BAZ2B: variants seen among roughly 807,000 people sequenced by gnomAD.
BAZ2B encodes bromodomain adjacent to zinc finger domain 2B, also known as bromodomain adjacent to zinc finger domain protein 2B.
Under a neutral mutation model 246.0 loss-of-function variants are expected in BAZ2B, and 91 were observed. The ratio of observed to expected loss-of-function variants is 0.37; its 90% CI spans 0.31 to 0.44. The LOEUF is 0.44. Among genes scored for constraint, BAZ2B ranks in the 20% least tolerant of loss-of-function variants. The probability of loss-of-function intolerance (pLI) is 1.00; values close to 1 mark genes in which losing one functional copy is unlikely to be tolerated. For missense variants in BAZ2B, 2,332 were observed against 2,533.7 expected (o/e 0.92, Z 1.71); for synonymous variants, 855 against 860.0 (o/e 0.99, Z 0.10).
chr2:159,472,121 T>C lies in BAZ2B; in HGVS notation c.145+6454A>G, dbSNP rs375414218. ...AATGTTTTTCCATTTGTTTGTGTCC[T>C]CTCTTATTTCCTCGAGCAGTGGTTA... On this transcript the variant is annotated intron_variant, in intron 3 of 36. Transcript: ENST00000392783. Among the ~76,000 whole-genome samples, 233 of 152,356 alleles carry C rather than the reference T, an allele frequency of 1.5e-3. 2 individuals are homozygous for C. Among genetic ancestry groups the C allele is most frequent in the African/African-American group, 5.4e-3 (225 of 41,596 alleles).
At chr2:159,539,312 A>G (rs2086378596) in intron 2 of BAZ2B, among the ~76,000 whole-genome samples, 1 of 152,262 alleles carries the variant, frequency 6.6e-6, no homozygotes, top group African/African-American at 2.4e-5. Flanking sequence ...TTATTAAATC[A>G]AGGAATAAAT....
intron 1 of BAZ2B, among the ~76,000 whole-genome samples, chr2:159,608,897 A>G (rs1022480314): frequency 2.0e-5 from 3 of 152,146 alleles, no homozygotes; most frequent in African/African-American, 7.2e-5. Flanking sequence ...TAGGACTGGT[A>G]CTCAACCTTG....
chr2:159,504,600 G>T (rs2082147178), intron 2 of BAZ2B, among the ~76,000 whole-genome samples: 1 of 152,100 alleles, frequency 6.6e-6, no homozygotes. Context: ...TTCACTAAAG[G>T]CAGGGAGTTA....
At chr2:159,684,365 C>T in the BAZ2B span, among the ~76,000 whole-genome samples, 3 of 152,136 alleles carry the variant, frequency 2.0e-5, no homozygotes, top group Non-Finnish European at 4.4e-5. Flanking sequence ...AGTAAGTACA[C>T]GTTTAGCTTT....
chr2:159,557,950 A>C (rs1442438351), intron 1 of BAZ2B, among the ~76,000 whole-genome samples: 1 of 151,488 alleles, frequency 6.6e-6, no homozygotes, highest in Non-Finnish European at 1.5e-5. Context: ...GGGTGATGGG[A>C]AAGCGCGGGT....
At chr2:159,528,661 T>C (rs1046369696) in intron 2 of BAZ2B, among the ~76,000 whole-genome samples, 23 of 145,588 alleles carry the variant, frequency 1.6e-4, no homozygotes, top group African/African-American at 5.7e-4. Flanking sequence ...CCAGCCTGGG[T>C]GACAAGCGAA....
At chr2:159,441,983 T>C (rs2073488732) in intron 6 of BAZ2B, among the ~76,000 whole-genome samples, 1 of 152,202 alleles carries the variant, frequency 6.6e-6, no homozygotes, top group Non-Finnish European at 1.5e-5. Context: ...CCAGGCATAG[T>C]TGCTCAAGTC....
At chr2:159,522,854 T>C (rs2084287710) in intron 2 of BAZ2B, among the ~76,000 whole-genome samples, 1 of 152,130 alleles carries the variant, frequency 6.6e-6, no homozygotes, top group Non-Finnish European at 1.5e-5. Context: ...AAAAGCCTAC[T>C]TTTACTAGTA....
chr2:159,675,710 C>A, the BAZ2B span, among the ~76,000 whole-genome samples: 4 of 152,078 alleles, frequency 2.6e-5, no homozygotes, highest in African/African-American at 9.7e-5. Flanking sequence ...ATAACGAAAT[C>A]CCAGCTTTTC....
chr2:159,633,132 C>T, the BAZ2B span, among the ~76,000 whole-genome samples: 3 of 144,366 alleles, frequency 2.1e-5, no homozygotes, highest in Non-Finnish European at 4.5e-5. Context: ...TATAAGCATA[C>T]ATTTTTATTC....
the BAZ2B span, among the ~76,000 whole-genome samples, chr2:159,662,467 A>T: frequency 1.1e-4 from 17 of 152,276 alleles, no homozygotes; most frequent in African/African-American, 3.8e-4. Context: ...GCACCATATG[A>T]GAGGTTCCAA....
intron 11 of BAZ2B, 33 bp from the exon 12 acceptor site, chr2:159,428,452 C>A: frequency 6.7e-7 from 1 of 1,501,066 alleles, no homozygotes; most frequent in South Asian, 1.2e-5. Flanking sequence ...TTATGACATA[C>A]TTAATTTCAA....
intron 16 of BAZ2B, 68 bp from the exon 17 acceptor site, chr2:159,400,732 A>G: frequency 1.0e-6 from 1 of 955,342 alleles, no homozygotes. Context: ...ATTTGAGTGG[A>G]ATCAAATAAT....
At chr2:159,563,738 G>T (rs931461642) in intron 1 of BAZ2B, among the ~76,000 whole-genome samples, 4 of 152,060 alleles carry the variant, frequency 2.6e-5, no homozygotes, top group Admixed American at 2.6e-4. Context: ...AAAAGTAATG[G>T]TTGTACAACA....
At chr2:159,601,614 G>A (rs527393306) in intron 1 of BAZ2B, among the ~76,000 whole-genome samples, 16 of 151,986 alleles carry the variant, frequency 1.1e-4, no homozygotes, top group East Asian at 1.9e-4. Context: ...CCAGCTACTC[G>A]GGAGGCTGAG....
chr2:159,507,297 A>T (rs931136446), intron 2 of BAZ2B, among the ~76,000 whole-genome samples: 1 of 152,182 alleles, frequency 6.6e-6, no homozygotes, highest in African/African-American at 2.4e-5. Context: ...GAAAAAGTTT[A>T]TTAGGCAACA....
chr2:159,408,007 G>A (rs972056017), intron 14 of BAZ2B, among the ~76,000 whole-genome samples: 1 of 152,162 alleles, frequency 6.6e-6, no homozygotes, highest in Non-Finnish European at 1.5e-5. Flanking sequence ...AAGATGTGCT[G>A]ATAAAAATGT....
chr2:159,557,581 T>C (rs1406568166), intron 1 of BAZ2B, among the ~76,000 whole-genome samples: 1 of 152,174 alleles, frequency 6.6e-6, no homozygotes, highest in East Asian at 1.9e-4. Flanking sequence ...TTCATAGGAC[T>C]GGTTTTCTCA....
At chr2:159,361,249 T>C (rs1174251145) in intron 27 of BAZ2B, among the ~76,000 whole-genome samples, 1 of 151,864 alleles carries the variant, frequency 6.6e-6, no homozygotes, top group Non-Finnish European at 1.5e-5. Flanking sequence ...TTAAACAAAT[T>C]TACAAGAAAA....
Sources: allele counts gnomAD v4.1 joint callset (sites outside exome capture counted in the v4.1 genomes callset), GRCh38; gene constraint gnomAD v4.1.1; transcripts MANE v1.5; gene names NCBI Gene and HGNC (gene_info 2026-07-23, HGNC 2026-07-21).